The following CFAP61 variants were observed in gnomAD, a reference collection of about 807,000 sequenced individuals.
CFAP61 encodes cilia- and flagella-associated protein 61.
CFAP61 carries 107 observed loss-of-function variants against 135.6 expected under a neutral mutation model. The observed-to-expected ratio is 0.79, with a 90% CI of 0.67 to 0.93. The LOEUF (loss-of-function observed/expected upper bound fraction) is 0.93, where lower values mean the gene tolerates loss of function less well. Ranked by LOEUF, CFAP61 falls within the 40% of genes least tolerant of loss-of-function variation. The pLI is 0.00. For synonymous variants in CFAP61, 575 were observed against 578.5 expected (o/e 0.99, Z 0.09); for missense variants, 1,507 against 1,556.2 (o/e 0.97, Z 0.53).
At chr20:20,298,454 CAT>C (rs2055811788) in intron 25 of CFAP61, 68 bp downstream of exon 25, 1 of 1,391,276 alleles carries the variant, frequency 7.2e-7, no homozygotes, top group Non-Finnish European at 1.0e-6. Context: ...GAATGAGGGA[CAT>C]GTGTTGTGAT....
At chr20:20,236,548 T>C (rs772892535) in intron 18 of CFAP61, among the ~76,000 whole-genome samples, 2 of 152,218 alleles carry the variant, frequency 1.3e-5, no homozygotes, top group Non-Finnish European at 2.9e-5. Flanking sequence ...ATTATTAACA[T>C]TATATAGCTG....
chr20:20,131,224 T>C (rs1174338940), intron 8 of CFAP61, among the ~76,000 whole-genome samples: 3 of 151,768 alleles, frequency 2.0e-5, no homozygotes, highest in Admixed American at 6.6e-5. Flanking sequence ...TTTGTTTTTG[T>C]TTTTTTGTGG....
At chr20:20,189,511 G>C (rs940422962) in intron 14 of CFAP61, among the ~76,000 whole-genome samples, 1 of 149,148 alleles carries the variant, frequency 6.7e-6, no homozygotes, top group Non-Finnish European at 1.5e-5. Flanking sequence ...TTATGGCATT[G>C]GGTGAAACCA....
At chr20:20,074,822 T>C (rs2045944682) in intron 4 of CFAP61, among the ~76,000 whole-genome samples, 1 of 152,212 alleles carries the variant, frequency 6.6e-6, no homozygotes, top group Admixed American at 6.5e-5. Context: ...TCTGACAGCC[T>C]GCACAGACAT....
At chr20:20,119,012 T>C (rs2049402847) in intron 8 of CFAP61, among the ~76,000 whole-genome samples, 1 of 152,118 alleles carries the variant, frequency 6.6e-6, no homozygotes, top group African/African-American at 2.4e-5. Context: ...TGTTATGGAA[T>C]TTGGTTTGCT....
At chr20:20,088,575 C>G (rs1018193984) in intron 6 of CFAP61, among the ~76,000 whole-genome samples, 1 of 152,140 alleles carries the variant, frequency 6.6e-6, no homozygotes, top group Non-Finnish European at 1.5e-5. Flanking sequence ...AATTACCTCC[C>G]ACCAGCTTCC....
At chr20:20,145,505 C>G (rs936140122) in intron 9 of CFAP61, among the ~76,000 whole-genome samples, 3 of 152,120 alleles carry the variant, frequency 2.0e-5, no homozygotes, top group African/African-American at 7.2e-5. Flanking sequence ...TACAAGATGA[C>G]AGACTTAAAC....
chr20:20,267,642 CT>C, intron 21 of CFAP61: 1 of 152,744 alleles, frequency 6.5e-6, no homozygotes, highest in Non-Finnish European at 1.5e-5. Flanking sequence ...TGTTGCAGGG[CT>C]TTTCCGTAGT....
chr20:20,097,350 T>G, intron 7 of CFAP61, among the ~76,000 whole-genome samples: 1 of 152,190 alleles, frequency 6.6e-6, no homozygotes, highest in East Asian at 1.9e-4. Context: ...GTCTAATCAG[T>G]CAACCAGAAT....
chr20:20,138,207 AT>A (rs1008339988), intron 8 of CFAP61, among the ~76,000 whole-genome samples: 1 of 152,148 alleles, frequency 6.6e-6, no homozygotes, highest in Non-Finnish European at 1.5e-5. Flanking sequence ...GAGCTGTGAG[AT>A]GCGGTGCCTG....
chr20:20,254,841 T>G (rs2051395089), intron 20 of CFAP61, among the ~76,000 whole-genome samples: 1 of 152,238 alleles, frequency 6.6e-6, no homozygotes, highest in Non-Finnish European at 1.5e-5. Flanking sequence ...TGTTGTGTAA[T>G]GTTTTTAATA....
chr20:20,172,366 G>A, intron 13 of CFAP61: 1 of 751,754 alleles, frequency 1.3e-6, no homozygotes, highest in Non-Finnish European at 1.6e-6. Flanking sequence ...GCCCAGGCTG[G>A]AATGCAATGG....
chr20:20,294,791 G>A (rs879668359), intron 24 of CFAP61, among the ~76,000 whole-genome samples: 27 of 151,168 alleles, frequency 1.8e-4, no homozygotes, highest in Non-Finnish European at 2.8e-4. Context: ...AGCCGGGCGC[G>A]GTGGCTGGCG....
intron 8 of CFAP61, among the ~76,000 whole-genome samples, chr20:20,113,045 C>CT (rs1300094374): frequency 6.6e-6 from 1 of 152,002 alleles, no homozygotes; most frequent in Non-Finnish European, 1.5e-5. Context: ...GTAATTTCTA[C>CT]TTTTGTTTTA....
At chr20:20,249,955 A>G (rs1251827374) in intron 19 of CFAP61, among the ~76,000 whole-genome samples, 1 of 152,204 alleles carries the variant, frequency 6.6e-6, no homozygotes. Context: ...AAGCTAATGA[A>G]ATGGTTTTTA....
intron 2 of CFAP61, among the ~76,000 whole-genome samples, chr20:20,068,702 C>T: frequency 6.6e-6 from 1 of 152,168 alleles, no homozygotes; most frequent in East Asian, 1.9e-4. Flanking sequence ...TTGCTACATG[C>T]AGGAAAAATT....
intron 25 of CFAP61, among the ~76,000 whole-genome samples, chr20:20,332,307 C>T (rs1200268121): frequency 6.6e-6 from 1 of 152,188 alleles, no homozygotes; most frequent in Non-Finnish European, 1.5e-5. Context: ...GCTATTTCTA[C>T]AAGAAAACTG....
Position 20,068,048 on chromosome 20 carries a change from A to T in CFAP61, c.144-2806A>T, listed in dbSNP as rs529491812. The stretch of plus-strand genomic sequence containing the variant: ...AAAGCATACTGAATCTTTAATGTCT[A>T]TGTGGTATATAGTATTGTGCTAATT... On this transcript the variant is annotated intron_variant, in intron 2 of 26. Transcript: ENST00000245957. Among the ~76,000 whole-genome samples, 26 of 152,234 alleles carry T rather than the reference A, an allele frequency of 1.7e-4. 1 individual carries two copies. The South Asian group carries it at 5.2e-3, about 30-fold the overall frequency.
chr20:20,056,778 T>C lies in CFAP61; in HGVS notation c.125T>C (p.Leu42Pro), dbSNP rs143572830. The C allele has an allele frequency of 5.1e-5, 83 of 1,613,974 alleles. No individual in the cohort carries two copies. Among genetic ancestry groups the C allele is most frequent in the Non-Finnish European group, 6.5e-5 (77 of 1,179,966 alleles). The change falls in exon 2 of 27, where the codon CTA becomes CCA. Residue 42 changes from leucine (L) to proline (P), a missense_variant. By Grantham distance (98) the Leu-to-Pro change is moderately conservative. Coordinates refer to ENST00000245957, the MANE Select transcript of CFAP61 (RefSeq NM_015585.4). ...RKFTCKLFGK[L>P]NIIYLLEKAN... is the part of the protein sequence containing the mutation. ...TTTACCTGCAAGCTGTTTGGGAAGC[T>C]AAATATCATCTATCTTCTGTAAGTA...
Sources: allele counts gnomAD v4.1 joint callset (sites outside exome capture counted in the v4.1 genomes callset), GRCh38; gene constraint gnomAD v4.1.1; transcripts MANE v1.5; gene names NCBI Gene and HGNC (gene_info 2026-07-23, HGNC 2026-07-21).